The following SLC16A12 variants were observed in gnomAD, a reference collection of about 807,000 sequenced individuals.
SLC16A12 encodes solute carrier family 16 member 12, also known as monocarboxylate transporter 12.
A neutral mutation model predicts 42.4 loss-of-function variants in SLC16A12; 17 were observed. The observed-to-expected ratio is 0.40, with a 90% CI of 0.27 to 0.60. SLC16A12 has a LOEUF of 0.60. SLC16A12 is among the 20% of genes least tolerant of loss of function. The pLI, the probability that SLC16A12 is intolerant of heterozygous loss-of-function variation, is 0.42. For synonymous variants in SLC16A12, 224 were observed against 229.4 expected, an observed-to-expected ratio of 0.98 and a Z score of 0.21; for missense variants, 544 against 623.0, an observed-to-expected ratio of 0.87 and a Z score of 1.35.
intron 2 of SLC16A12, among the ~76,000 whole-genome samples, chr10:89,531,160 C>A (rs923673244): frequency 1.3e-5 from 2 of 151,982 alleles, no homozygotes; most frequent in African/African-American, 4.8e-5. Context: ...GAGGCCAAGG[C>A]AGGCAGATCA....
At chr10:89,443,020 G>T (rs11203127) in intron 4 of SLC16A12, among the ~76,000 whole-genome samples, 1 of 152,104 alleles carries the variant, frequency 6.6e-6, no homozygotes. Context: ...ATTTAATAAC[G>T]TGAGTTTGAA....
intron 2 of SLC16A12, among the ~76,000 whole-genome samples, chr10:89,527,720 C>A (rs969815039): frequency 6.6e-6 from 1 of 151,618 alleles, no homozygotes; most frequent in Non-Finnish European, 1.5e-5. Context: ...AGCAGGACTG[C>A]CTGAGCCTAG....
At chr10:89,438,546 G>A in intron 6 of SLC16A12, 58 bp downstream of exon 6, 1 of 1,504,590 alleles carries the variant, frequency 6.6e-7, no homozygotes, top group South Asian at 1.2e-5. Flanking sequence ...GGGCTGAGGA[G>A]AAACTCAAGG....
chr10:89,439,118 TC>T lies in SLC16A12; in HGVS notation c.513del (p.Ala173ProfsTer43). ...ATGGCGATACCATAAGCAAGGGCTT[TC>T]CGTCTGCTGAAGTACTTGCCAACCA... ...IAMVGKYFSR[R>X]KALAYGIAMS... On this transcript the variant is annotated frameshift_variant, in exon 6 of 8. Transcript: ENST00000371790. LOFTEE classifies it high-confidence loss of function. 6.2e-7 allele frequency: 1 copy of T among 1,613,936 alleles called. No homozygotes were observed. The highest frequency in any genetic ancestry group is 1.1e-5 in the South Asian group (1 of 90,992).
chr10:89,515,045 T>G (rs1258902583), intron 2 of SLC16A12, among the ~76,000 whole-genome samples: 4 of 151,808 alleles, frequency 2.6e-5, no homozygotes, highest in Non-Finnish European at 5.9e-5. Context: ...TGAGCCGAGA[T>G]TTCACCACTG....
intron 3 of SLC16A12, among the ~76,000 whole-genome samples, chr10:89,445,229 G>A (rs567853586): frequency 6.6e-6 from 1 of 152,356 alleles, no homozygotes; most frequent in Admixed American, 6.5e-5. Flanking sequence ...GAGAGCAGTG[G>A]TTCTTCCATC....
chr10:89,527,390 G>A (rs2133864137), intron 2 of SLC16A12, among the ~76,000 whole-genome samples: 2 of 152,154 alleles, frequency 1.3e-5, no homozygotes, highest in Middle Eastern at 3.4e-3. Context: ...GGCTGAGGCA[G>A]GAGAATCGCT....
At chr10:89,441,681 G>A (rs1353848299) in intron 4 of SLC16A12, among the ~76,000 whole-genome samples, 2 of 152,200 alleles carry the variant, frequency 1.3e-5, no homozygotes, top group Admixed American at 6.5e-5. Flanking sequence ...GCAGGGTTAT[G>A]CAGTAAAAGA....
intron 2 of SLC16A12, among the ~76,000 whole-genome samples, chr10:89,476,978 A>T (rs917954356): frequency 6.6e-6 from 1 of 152,230 alleles, no homozygotes; most frequent in African/African-American, 2.4e-5. Context: ...CTTGAGCCAC[A>T]GCAGGTCACA....
intron 3 of SLC16A12, among the ~76,000 whole-genome samples, chr10:89,455,244 G>A (rs947513348): frequency 3.9e-5 from 6 of 151,966 alleles, no homozygotes; most frequent in Non-Finnish European, 7.4e-5. Context: ...GCCCCCAGAT[G>A]ATGATATTTT....
At chr10:89,454,564 C>T (rs11203135) in intron 3 of SLC16A12, among the ~76,000 whole-genome samples, 40,613 of 151,684 alleles carry the variant, frequency 0.27, 6,276 homozygotes, top group African/African-American at 0.42. Flanking sequence ...ATCTGTTGGG[C>T]TCTTCACTTC....
chr10:89,515,002 G>A (rs1302871139), intron 2 of SLC16A12, among the ~76,000 whole-genome samples: 1 of 152,062 alleles, frequency 6.6e-6, no homozygotes, highest in Non-Finnish European at 1.5e-5. Context: ...TGAGGCAGGA[G>A]AATTGCTTGA....
intron 2 of SLC16A12, among the ~76,000 whole-genome samples, chr10:89,468,503 G>C (rs928434939): frequency 1.3e-5 from 2 of 152,116 alleles, no homozygotes; most frequent in Non-Finnish European, 2.9e-5. Flanking sequence ...ATTGTTATTG[G>C]CGTTTCTGTC....
intron 3 of SLC16A12, among the ~76,000 whole-genome samples, chr10:89,457,740 C>A (rs997798392): frequency 9.9e-5 from 15 of 152,170 alleles, no homozygotes; most frequent in Non-Finnish European, 1.9e-4. Context: ...CTGAACTAAG[C>A]ACCCTTTATT....
chr10:89,500,951 A>G (rs1589709793), intron 2 of SLC16A12, among the ~76,000 whole-genome samples: 2 of 152,098 alleles, frequency 1.3e-5, no homozygotes, highest in East Asian at 3.8e-4. Flanking sequence ...AAGTTTCCAG[A>G]CACAAAACTA....
chr10:89,528,532 GA>G (rs1229603714), intron 2 of SLC16A12, among the ~76,000 whole-genome samples: 2 of 151,692 alleles, frequency 1.3e-5, no homozygotes, highest in South Asian at 2.1e-4. Context: ...CCACAGAGAA[GA>G]AAAAAAATCA....
intron 2 of SLC16A12, among the ~76,000 whole-genome samples, chr10:89,467,592 CA>C (rs915379730): frequency 1.3e-5 from 2 of 151,690 alleles, no homozygotes; most frequent in Non-Finnish European, 2.9e-5. Context: ...ATATTAAAGC[CA>C]AAAAAAGACG....
In SLC16A12 at chr10:89,438,869, AG is replaced by A. The variant is rs1461512114; in HGVS notation, c.762del (p.Tyr255IlefsTer4). ...GCCCATTCTTTGGTCAAAGATGAATAGGGAGACACCCGCTTAATGTCTTCTT... is the reference window on the plus strand; with the variant it reads ...GCCCATTCTTTGGTCAAAGATGAATAGGAGACACCCGCTTAATGTCTTCTT... ...TQKEDIKRVS[P>X]YSSLTKEWAQ... is the part of the protein sequence containing the mutation. On this transcript the variant is annotated frameshift_variant, in exon 6 of 8. Transcript: ENST00000371790. LOFTEE classifies it high-confidence loss of function. The A allele has an allele frequency of 1.9e-6, 3 of 1,614,084 alleles. No individual in the cohort carries two copies. Among genetic ancestry groups the A allele is most frequent in the Non-Finnish European group, 2.5e-6 (3 of 1,180,028 alleles).
intron 5 of SLC16A12, 86 bp downstream of exon 5, chr10:89,441,022 A>G: frequency 6.5e-7 from 1 of 1,538,010 alleles, no homozygotes; most frequent in South Asian, 1.1e-5. Context: ...TAACAAAATG[A>G]ATATTTTATG....
Sources: allele counts gnomAD v4.1 joint callset (sites outside exome capture counted in the v4.1 genomes callset), GRCh38; gene constraint gnomAD v4.1.1; transcripts MANE v1.5; gene names NCBI Gene and HGNC (gene_info 2026-07-23, HGNC 2026-07-21).